TLE4: variants seen among roughly 807,000 people sequenced by gnomAD.
The protein encoded by TLE4 is transducin-like enhancer protein 4.
A neutral mutation model predicts 92.8 loss-of-function variants in TLE4; 8 were observed. The observed-to-expected ratio is 0.09, with a 90% CI of 0.05 to 0.16. The LOEUF (loss-of-function observed/expected upper bound fraction) is 0.16. TLE4 is among the 10% of genes least tolerant of loss of function. TLE4 has a pLI of 1.00. For missense variants in TLE4, 675 were observed against 997.6 expected, an observed-to-expected ratio of 0.68 and a Z score of 4.36; for synonymous variants, 371 against 374.1, an observed-to-expected ratio of 0.99 and a Z score of 0.10.
intron 4 of TLE4, among the ~76,000 whole-genome samples, chr9:79,578,606 T>G (rs1453134979): frequency 6.6e-6 from 1 of 152,144 alleles, no homozygotes; most frequent in Non-Finnish European, 1.5e-5. Context: ...TCAGTCCCCC[T>G]GTGTTGATTC....
At chr9:79,715,326 G>T (rs567740045) in intron 14 of TLE4, among the ~76,000 whole-genome samples, 1 of 152,140 alleles carries the variant, frequency 6.6e-6, no homozygotes, top group East Asian at 1.9e-4. Flanking sequence ...TAGTCTTCAT[G>T]ACCTCCTAAT....
intron 4 of TLE4, among the ~76,000 whole-genome samples, chr9:79,595,667 C>G (rs1564236892): frequency 6.6e-6 from 1 of 152,196 alleles, no homozygotes; most frequent in East Asian, 1.9e-4. Flanking sequence ...TCAAGGTGGT[C>G]TGGACGTATG....
intron 6 of TLE4, among the ~76,000 whole-genome samples, chr9:79,641,462 T>C (rs1191079963): frequency 6.6e-6 from 1 of 152,166 alleles, no homozygotes; most frequent in Non-Finnish European, 1.5e-5. Context: ...ACCCTTAGTG[T>C]GCACAGCCTG....
chr9:79,705,874 C>G lies in TLE4; in HGVS notation c.730-15C>G. The G allele has an allele frequency of 6.2e-7, 1 of 1,614,026 alleles. No homozygotes were observed. Among genetic ancestry groups the G allele is most frequent in the Non-Finnish European group, 8.5e-7 (1 of 1,179,924 alleles). On this transcript the variant is annotated splice_polypyrimidine_tract_variant and intron_variant, in intron 9 of 19. Coordinates refer to ENST00000376552, the MANE Select transcript of TLE4 (RefSeq NM_007005.6). ...TGTGAGGGGAGAAGATAATGCTTCT[C>G]ACTTGTCAATGCAGGACAGCGATGG...
At position 79,572,273 on chromosome 9, in the gene TLE4, A is replaced by G. The variant is rs1304749257; in HGVS notation, c.-518A>G. 1 of 151,984 alleles carries G rather than the reference A, an allele frequency of 6.6e-6. No homozygotes were observed. Among genetic ancestry groups the G allele is most frequent in the Non-Finnish European group, 1.5e-5 (1 of 67,986 alleles). The allele number at this position is 151,984 out of a possible 1,614,324, so 9.4% of individuals were successfully genotyped here. A position where few individuals can be genotyped will look rare whatever the true frequency, so the allele number is the denominator to read the frequency against. The stretch of plus-strand genomic sequence containing the variant: ...GAAAAAAATCTCCAGAGAAACCAAA[A>G]AGCACCGCCGAGACCTCTTCCGAAC... On this transcript the variant is annotated 5_prime_UTR_variant, in exon 1 of 20. Transcript: ENST00000376552.
At chr9:79,576,250 T>C in intron 4 of TLE4, 73 bp downstream of exon 4, 1 of 1,198,370 alleles carries the variant, frequency 8.3e-7, no homozygotes, top group South Asian at 1.8e-5. Context: ...TTGTATGTTT[T>C]GCAGTTTTAT....
At chr9:79,714,494 G>T (rs887775405) in intron 14 of TLE4, among the ~76,000 whole-genome samples, 1 of 152,060 alleles carries the variant, frequency 6.6e-6, no homozygotes, top group Non-Finnish European at 1.5e-5. Flanking sequence ...TGGAACTTTT[G>T]CTCTCTGCTA....
intron 8 of TLE4, among the ~76,000 whole-genome samples, chr9:79,668,175 T>C (rs1018722913): frequency 3.9e-5 from 6 of 152,180 alleles, no homozygotes; most frequent in African/African-American, 1.4e-4. Flanking sequence ...TTGTTGTTAA[T>C]GAAAGCAGCC....
At position 79,725,259 on chromosome 9, in the gene TLE4, G is replaced by A; in HGVS notation, c.*115G>A. The A allele has an allele frequency of 1.5e-6, 1 of 678,590 alleles. No individual in the cohort carries two copies. Among genetic ancestry groups the A allele is most frequent in the Non-Finnish European group, 2.5e-6 (1 of 392,856 alleles). The allele number at this position is 678,590 out of a possible 1,614,324, so 42.0% of individuals were successfully genotyped here. ...CCAAGGATTTCAGATACTCATTGCA[G>A]TTGTGGAGTTTAATCCCCTTTCTTA... On this transcript the variant is annotated 3_prime_UTR_variant, in exon 20 of 20. Coordinates refer to ENST00000376552, the MANE Select transcript of TLE4 (RefSeq NM_007005.6).
At chr9:79,639,882 A>G (rs557368697) in intron 6 of TLE4, among the ~76,000 whole-genome samples, 13 of 152,306 alleles carry the variant, frequency 8.5e-5, no homozygotes, top group African/African-American at 3.1e-4. Context: ...GTGTATGACT[A>G]TAGATAGATA....
intron 8 of TLE4, among the ~76,000 whole-genome samples, chr9:79,702,922 G>C (rs555131077): frequency 6.6e-6 from 1 of 152,272 alleles, no homozygotes; most frequent in East Asian, 1.9e-4. Flanking sequence ...GTGACATTAA[G>C]GCTCAGTGGA....
At chr9:79,596,126 G>A (rs1030899366) in intron 4 of TLE4, among the ~76,000 whole-genome samples, 16 of 152,248 alleles carry the variant, frequency 1.1e-4, no homozygotes, top group African/African-American at 2.4e-4. Context: ...GATTACAGGC[G>A]TGAGGAACCG....
chr9:79,642,722 C>T (rs2057402287), intron 6 of TLE4, among the ~76,000 whole-genome samples: 1 of 152,016 alleles, frequency 6.6e-6, no homozygotes, highest in South Asian at 2.1e-4. Context: ...TAGTTTTCTC[C>T]TTCTTTTCTT....
In TLE4 at chr9:79,632,558, C is replaced by G. The variant is rs191186770; in HGVS notation, c.390+5110C>G. Among the ~76,000 whole-genome samples the G allele has an allele frequency of 2.0e-5, 3 of 152,198 alleles. No homozygotes were observed. The East Asian group carries it at 5.8e-4, about 29-fold the overall frequency. On this transcript the variant is annotated intron_variant, in intron 6 of 19. Transcript: ENST00000376552. ...GTAGGTAGGTAATTGTAGTCATGTA[C>G]TAGAGTCAGGGCTTGTTTTCTGATG...
intron 15 of TLE4, among the ~76,000 whole-genome samples, chr9:79,719,722 C>G (rs1341847560): frequency 1.3e-5 from 2 of 152,198 alleles, no homozygotes; most frequent in Non-Finnish European, 2.9e-5. Context: ...ACTGTGAGAG[C>G]TCCTGCATTA....
At chr9:79,583,981 C>T (rs2040395342) in intron 4 of TLE4, among the ~76,000 whole-genome samples, 1 of 152,178 alleles carries the variant, frequency 6.6e-6, no homozygotes, top group Admixed American at 6.5e-5. Flanking sequence ...AACACTGAGG[C>T]TTAAGGGCTT....
At chr9:79,692,913 TC>T (rs1206719021) in intron 8 of TLE4, among the ~76,000 whole-genome samples, 1 of 152,148 alleles carries the variant, frequency 6.6e-6, no homozygotes. Context: ...GCAGTGACAA[TC>T]CTGTAGGCGA....
chr9:79,610,808 C>G (rs2048192123), intron 4 of TLE4, among the ~76,000 whole-genome samples: 1 of 151,988 alleles, frequency 6.6e-6, no homozygotes, highest in Non-Finnish European at 1.5e-5. Context: ...AATTTTATTT[C>G]ACCAGATGAA....
At chr9:79,599,163 C>T (rs2132575440) in intron 4 of TLE4, among the ~76,000 whole-genome samples, 1 of 152,280 alleles carries the variant, frequency 6.6e-6, no homozygotes, top group East Asian at 1.9e-4. Context: ...CATAACTTTC[C>T]TAGGAATTGA....
Sources: allele counts gnomAD v4.1 joint callset (sites outside exome capture counted in the v4.1 genomes callset), GRCh38; gene constraint gnomAD v4.1.1; transcripts MANE v1.5; gene names NCBI Gene and HGNC (gene_info 2026-07-23, HGNC 2026-07-21).